Variants in GABRB1 observed in about 807,000 individuals in gnomAD.
The protein encoded by GABRB1 is gamma-aminobutyric acid receptor subunit beta-1.
GABRB1 carries 17 observed loss-of-function variants against 51.6 expected under a neutral mutation model. The observed-to-expected ratio is 0.33, with a 90% CI of 0.23 to 0.49. The LOEUF is 0.49. Among genes scored for constraint, GABRB1 ranks in the 20% least tolerant of loss-of-function variants. The probability of loss-of-function intolerance (pLI) is 0.99; values close to 1 mark genes in which losing one functional copy is unlikely to be tolerated. For missense variants in GABRB1, 410 were observed against 600.6 expected (o/e 0.68, Z 3.32); for synonymous variants, 247 against 218.9 (o/e 1.13, Z -1.14).
At chr4:47,312,851 C>T (rs537933336) in intron 4 of GABRB1, among the ~76,000 whole-genome samples, 6 of 152,080 alleles carry the variant, frequency 3.9e-5, no homozygotes, top group South Asian at 4.2e-4. Context: ...TGTGTGCACA[C>T]GTGTGTATTT....
At chr4:47,050,927 C>T (rs1467419469) in intron 3 of GABRB1, among the ~76,000 whole-genome samples, 1 of 152,088 alleles carries the variant, frequency 6.6e-6, no homozygotes, top group Non-Finnish European at 1.5e-5. Context: ...AGAAAAGCAG[C>T]ATGATGGGAA....
At chr4:47,245,032 A>G (rs956949603) in intron 4 of GABRB1, among the ~76,000 whole-genome samples, 2 of 152,150 alleles carry the variant, frequency 1.3e-5, no homozygotes, top group African/African-American at 4.8e-5. Flanking sequence ...CAAAAAAACC[A>G]TTCAAAAAAT....
chr4:47,140,275 T>A (rs1291465573), intron 3 of GABRB1, among the ~76,000 whole-genome samples: 2 of 152,012 alleles, frequency 1.3e-5, no homozygotes, highest in Non-Finnish European at 2.9e-5. Flanking sequence ...TAATTTCTCA[T>A]ATCAGGTTTG....
intron 3 of GABRB1, among the ~76,000 whole-genome samples, chr4:47,038,039 C>T (rs1488844851): frequency 6.6e-6 from 1 of 152,114 alleles, no homozygotes; most frequent in Non-Finnish European, 1.5e-5. Flanking sequence ...TACATAATTG[C>T]TAAACCCTTT....
intron 3 of GABRB1, among the ~76,000 whole-genome samples, chr4:47,079,516 A>T (rs1727728860): frequency 6.6e-6 from 1 of 152,080 alleles, no homozygotes; most frequent in Non-Finnish European, 1.5e-5. Context: ...CCAAAGGATT[A>T]TAAAACATGC....
chr4:47,086,426 A>G (rs1728066481), intron 3 of GABRB1, among the ~76,000 whole-genome samples: 3 of 152,326 alleles, frequency 2.0e-5, no homozygotes, highest in African/African-American at 7.2e-5. Flanking sequence ...AATCTTTTAC[A>G]TATTCTTTTA....
intron 4 of GABRB1, among the ~76,000 whole-genome samples, chr4:47,267,657 T>C (rs1169615550): frequency 6.6e-6 from 1 of 151,992 alleles, no homozygotes; most frequent in Non-Finnish European, 1.5e-5. Flanking sequence ...TAGCCAGGCA[T>C]GGTGGCAGGC....
intron 4 of GABRB1, among the ~76,000 whole-genome samples, chr4:47,279,739 A>G (rs188814229): frequency 1.7e-3 from 255 of 151,738 alleles, no homozygotes; most frequent in Non-Finnish European, 2.9e-3. Context: ...TCCTCCCCCA[A>G]TTTTGGTTCT....
At chr4:47,123,659 A>AT (rs1715931307) in intron 3 of GABRB1, among the ~76,000 whole-genome samples, 1 of 77,744 alleles carries the variant, frequency 1.3e-5, no homozygotes, top group Non-Finnish European at 2.2e-5. Flanking sequence ...TATATATATA[A>AT]ATATATATGA....
intron 8 of GABRB1, among the ~76,000 whole-genome samples, chr4:47,419,526 A>G (rs1265689539): frequency 1.3e-5 from 2 of 152,252 alleles, no homozygotes; most frequent in African/African-American, 4.8e-5. Context: ...GTATTTGTCC[A>G]GTAAAACATT....
At chr4:47,239,627 A>C (rs1456900004) in intron 4 of GABRB1, among the ~76,000 whole-genome samples, 2 of 152,230 alleles carry the variant, frequency 1.3e-5, no homozygotes, top group African/African-American at 4.8e-5. Context: ...TTCATCTGAA[A>C]TTGTAACTTC....
intron 3 of GABRB1, among the ~76,000 whole-genome samples, chr4:47,065,767 G>A (rs540486587): frequency 1.7e-3 from 262 of 152,284 alleles, no homozygotes; most frequent in Non-Finnish European, 2.8e-3. Context: ...TGAAAGGAAA[G>A]GCGCTATCCT....
At chr4:47,242,918 T>C (rs1017980479) in intron 4 of GABRB1, among the ~76,000 whole-genome samples, 2 of 152,240 alleles carry the variant, frequency 1.3e-5, no homozygotes, top group Admixed American at 1.3e-4. Context: ...ATTTCGGCTT[T>C]CGTTGCCATT....
chr4:47,150,945 A>G lies in GABRB1; in HGVS notation c.241-10304A>G, dbSNP rs1050248399. On this transcript the variant is annotated intron_variant, in intron 3 of 8. Transcript: ENST00000295454. The stretch of plus-strand genomic sequence containing the variant: ...GTAAATTTTTAAAATACAAGGTGGT[A>G]TACAGAAGACAGAGAAGGTGGCAAG... 3.9e-5 allele frequency among the ~76,000 whole-genome samples: 6 copies of G among 151,980 alleles called. 1 individual carries two copies. The South Asian group carries it at 6.2e-4, about 16-fold the overall frequency.
At chr4:47,138,634 A>T (rs1487013327) in intron 3 of GABRB1, among the ~76,000 whole-genome samples, 1 of 152,088 alleles carries the variant, frequency 6.6e-6, no homozygotes, top group Non-Finnish European at 1.5e-5. Flanking sequence ...AACTATAAAG[A>T]CATCATAATT....
At chr4:47,083,291 T>C (rs573290459) in intron 3 of GABRB1, among the ~76,000 whole-genome samples, 9 of 152,284 alleles carry the variant, frequency 5.9e-5, no homozygotes, top group Admixed American at 2.6e-4. Context: ...TATACTGACC[T>C]ATGCTTCTTA....
chr4:47,340,221 G>A (rs548138358), intron 5 of GABRB1, among the ~76,000 whole-genome samples: 10 of 152,140 alleles, frequency 6.6e-5, no homozygotes, highest in Admixed American at 1.3e-4. Flanking sequence ...CAAGGAAGGT[G>A]TTGTAATACT....
chr4:47,416,511 C>T (rs1323578036), intron 8 of GABRB1, among the ~76,000 whole-genome samples: 3 of 149,528 alleles, frequency 2.0e-5, no homozygotes, highest in South Asian at 2.1e-4. Context: ...AGTGCAGTGG[C>T]GCAATCGTGG....
intron 4 of GABRB1, among the ~76,000 whole-genome samples, chr4:47,253,181 T>C (rs1269543449): frequency 2.0e-5 from 3 of 152,152 alleles, no homozygotes; most frequent in Admixed American, 6.5e-5. Flanking sequence ...AGATATACTA[T>C]AAAGGAATTG....
Sources: gnomAD v4.1 joint callset for allele counts (sites outside exome capture counted in the v4.1 genomes callset) on GRCh38, gnomAD v4.1.1 for gene constraint, MANE v1.5 for transcripts, NCBI Gene and HGNC (gene_info 2026-07-23, HGNC 2026-07-21) for gene names.